The following PTPRN2 variants were observed in gnomAD, a reference collection of about 807,000 sequenced individuals.
PTPRN2 encodes the protein receptor-type tyrosine-protein phosphatase N2.
A neutral mutation model predicts 118.8 loss-of-function variants in PTPRN2; 74 were observed. That is an observed-to-expected ratio of 0.62 (90% CI 0.52 to 0.76). The LOEUF (loss-of-function observed/expected upper bound fraction) is 0.76, where lower values mean the gene tolerates loss of function less well. Ranked by LOEUF, PTPRN2 falls within the 30% of genes least tolerant of loss-of-function variation. The pLI is 0.00. For synonymous variants in PTPRN2, 641 were observed against 608.0 expected (o/e 1.05, Z -0.80); for missense variants, 1,481 against 1,394.4 (o/e 1.06, Z -0.99).
intron 17 of PTPRN2, among the ~76,000 whole-genome samples, chr7:157,581,093 ACT>A (rs1800359084): frequency 7.0e-6 from 1 of 142,434 alleles, no homozygotes; most frequent in South Asian, 2.3e-4. Context: ...GCCCCTGCAC[ACT>A]CCAGCACCTG....
At chr7:158,418,062 C>T (rs1814880859) in intron 2 of PTPRN2, among the ~76,000 whole-genome samples, 1 of 150,022 alleles carries the variant, frequency 6.7e-6, no homozygotes, top group Admixed American at 6.6e-5. Flanking sequence ...TGTACTACAT[C>T]GAGATGCTCT....
At chr7:158,455,790 T>C (rs189631875) in intron 2 of PTPRN2, among the ~76,000 whole-genome samples, 1,379 of 112,076 alleles carry the variant, frequency 0.012, 50 homozygotes, top group Non-Finnish European at 0.02. Context: ...GGCCACCCAT[T>C]ACTCTGCAGA....
intron 12 of PTPRN2, among the ~76,000 whole-genome samples, chr7:157,748,789 G>C (rs1202252668): frequency 1.1e-5 from 1 of 89,946 alleles, no homozygotes; most frequent in Non-Finnish European, 2.2e-5. Context: ...GGGCTGTTGA[G>C]GTGATTCTGA....
chr7:158,255,382 C>A (rs1463509919), intron 3 of PTPRN2, among the ~76,000 whole-genome samples: 2 of 152,204 alleles, frequency 1.3e-5, no homozygotes, highest in African/African-American at 4.8e-5. Flanking sequence ...TCCACGGCCA[C>A]AGGGAACAGG....
At chr7:157,650,550 C>T (rs1044511187) in intron 14 of PTPRN2, among the ~76,000 whole-genome samples, 5 of 152,158 alleles carry the variant, frequency 3.3e-5, no homozygotes, top group Non-Finnish European at 5.9e-5. Flanking sequence ...CGAGCCAGAG[C>T]GAGAACGGCC....
chr7:157,725,400 T>C lies in PTPRN2; in HGVS notation c.1789-42463A>G, dbSNP rs13310153. 8.5e-4 allele frequency among the ~76,000 whole-genome samples: 45 copies of C among 52,938 alleles called. 1 individual carries two copies. Among genetic ancestry groups the C allele is most frequent in the South Asian group, 2.7e-3 (4 of 1,484 alleles). The allele number at this position is 52,938 out of a possible 152,430, so 34.7% of individuals were successfully genotyped here. A position where few individuals can be genotyped will look rare whatever the true frequency, so the allele number is the denominator to read the frequency against. On this transcript the variant is annotated intron_variant, in intron 12 of 22. Coordinates refer to ENST00000389418, the MANE Select transcript of PTPRN2 (RefSeq NM_002847.5). ...TCGCCTCCCAGGAGAACTGGATATC[T>C]ACACACAGAGGAGTGAGCCAGACCC... is the stretch of plus-strand genomic sequence containing the variant.
rs1045866558 is a variant in PTPRN2, at chr7:157,787,437, G to A, written c.1789-104500C>T. Among the ~76,000 whole-genome samples, 5 of 152,102 alleles carry A rather than the reference G, an allele frequency of 3.3e-5. No homozygotes were observed. The highest frequency in any genetic ancestry group is 3.9e-4 in the East Asian group (2 of 5,124). On this transcript the variant is annotated intron_variant, in intron 12 of 22. Transcript: ENST00000389418. This position sits in a 1 kb window ranked among gnomAD's most constrained non-coding sequence, Gnocchi z 5.3. The stretch of plus-strand genomic sequence containing the variant: ...AGCAGCCGGTGGGCCTGGGGGGCGC[G>A]TGGACTCCCAGCTGTTGCTGTGCCT...
At chr7:158,146,443 T>A (rs1002263757) in intron 6 of PTPRN2, among the ~76,000 whole-genome samples, 1 of 152,062 alleles carries the variant, frequency 6.6e-6, no homozygotes, top group East Asian at 1.9e-4. Context: ...AATAATAGGC[T>A]GGGCTTGGTG....
chr7:158,021,901 T>A (rs1806903670), intron 11 of PTPRN2, among the ~76,000 whole-genome samples: 2 of 152,216 alleles, frequency 1.3e-5, no homozygotes. Context: ...TCTACCCACC[T>A]CTGTCCTAGT....
chr7:158,378,100 T>A (rs771486774), intron 2 of PTPRN2, among the ~76,000 whole-genome samples: 6 of 152,088 alleles, frequency 3.9e-5, no homozygotes, highest in Non-Finnish European at 7.4e-5. Flanking sequence ...TCCTCCTGAC[T>A]CCTCCAGCTG....
At chr7:157,669,668 C>A in intron 13 of PTPRN2, 1 of 380,254 alleles carries the variant, frequency 2.6e-6, no homozygotes, top group Non-Finnish European at 5.2e-6. Context: ...TTTCTCAAAA[C>A]AAAAATTAAA....
intron 12 of PTPRN2, among the ~76,000 whole-genome samples, chr7:157,882,396 C>T (rs983267439): frequency 1.2e-4 from 18 of 150,920 alleles, no homozygotes; most frequent in South Asian, 4.2e-4. Flanking sequence ...GACCAGAATA[C>T]ACCACCCTGA....
At position 157,710,829 on chromosome 7, in the gene PTPRN2, A is replaced by G. The variant is rs1456364873; in HGVS notation, c.1789-27892T>C. ...CCCCACGCGCCGGAGGTTCCGGGGC[A>G]GCCGGGTTACACGCGAGAGCCCCAC... On this transcript the variant is annotated intron_variant, in intron 12 of 22. Coordinates refer to ENST00000389418, the MANE Select transcript of PTPRN2 (RefSeq NM_002847.5). Among the ~76,000 whole-genome samples, 62 of 135,062 alleles carry G rather than the reference A, an allele frequency of 4.6e-4. 1 individual carries two copies. The highest frequency in any genetic ancestry group is 1.6e-3 in the African/African-American group (58 of 35,632). 88.6% of individuals were successfully genotyped at this position (135,062 alleles called of 152,430 possible).
At chr7:158,374,448 G>A (rs776181158) in intron 2 of PTPRN2, among the ~76,000 whole-genome samples, 4 of 152,022 alleles carry the variant, frequency 2.6e-5, no homozygotes, top group East Asian at 1.9e-4. Flanking sequence ...TATCAACAGC[G>A]CAGAAACTCC....
At chr7:157,890,465 C>A (rs1021002599) in intron 12 of PTPRN2, among the ~76,000 whole-genome samples, 9 of 152,138 alleles carry the variant, frequency 5.9e-5, no homozygotes, top group African/African-American at 2.2e-4. Context: ...CACGGTGAAA[C>A]CCCGTCTCTA....
At chr7:157,913,233 AC>A (rs1798197404) in intron 11 of PTPRN2, among the ~76,000 whole-genome samples, 2 of 152,242 alleles carry the variant, frequency 1.3e-5, no homozygotes, top group Non-Finnish European at 2.9e-5. Context: ...TCCTAAATAT[AC>A]AAATACAGCT....
At chr7:158,263,484 G>A (rs996361164) in intron 3 of PTPRN2, among the ~76,000 whole-genome samples, 2 of 152,256 alleles carry the variant, frequency 1.3e-5, no homozygotes, top group South Asian at 2.1e-4. Flanking sequence ...CACAGGAGGG[G>A]CTTCCTCACC....
At chr7:157,667,099 T>C (rs12698093) in intron 13 of PTPRN2, among the ~76,000 whole-genome samples, 1 of 99,964 alleles carries the variant, frequency 1.0e-5, no homozygotes, top group African/African-American at 3.3e-5. Context: ...ACGCTCAGCC[T>C]GTGGGACACT....
chr7:158,150,992 C>T (rs976283588), intron 6 of PTPRN2, among the ~76,000 whole-genome samples: 4 of 151,462 alleles, frequency 2.6e-5, no homozygotes, highest in African/African-American at 7.3e-5. Flanking sequence ...TTCCTCTCAG[C>T]ACCTCATGCT....
Sources: gnomAD v4.1 joint callset for allele counts (sites outside exome capture counted in the v4.1 genomes callset) on GRCh38, gnomAD v4.1.1 for gene constraint, Gnocchi (gnomAD v3.1) non-coding constraint, MANE v1.5 for transcripts, NCBI Gene and HGNC (gene_info 2026-07-23, HGNC 2026-07-21) for gene names.